DCBLD2: variants seen among roughly 807,000 people sequenced by gnomAD.
The protein encoded by DCBLD2 is discoidin, CUB and LCCL domain-containing protein 2.
DCBLD2 carries 54 observed loss-of-function variants against 86.8 expected under a neutral mutation model. The observed-to-expected ratio is 0.62, with a 90% CI of 0.50 to 0.78. The LOEUF (loss-of-function observed/expected upper bound fraction) is 0.78, where lower values mean the gene tolerates loss of function less well. Ranked by LOEUF, DCBLD2 falls within the 30% of genes least tolerant of loss-of-function variation. The pLI, the probability that DCBLD2 is intolerant of heterozygous loss-of-function variation, is 0.00. For missense variants in DCBLD2, 908 were observed against 954.2 expected, an observed-to-expected ratio of 0.95 and a Z score of 0.64; for synonymous variants, 354 against 341.3, an observed-to-expected ratio of 1.04 and a Z score of -0.41.
chr3:98,901,009 C>T, intron 1 of DCBLD2, 113 bp downstream of exon 1: 6 of 1,503,338 alleles, frequency 4.0e-6, no homozygotes, highest in Non-Finnish European at 5.3e-6. Flanking sequence ...GGTCCGGCCA[C>T]GCACGAAAGC....
intron 1 of DCBLD2, among the ~76,000 whole-genome samples, chr3:98,899,322 G>C (rs1485827782): frequency 6.9e-6 from 1 of 144,896 alleles, no homozygotes; most frequent in Non-Finnish European, 1.5e-5. Flanking sequence ...GCAGTGGCGC[G>C]ATCGCTGCAA....
chr3:98,811,545 G>A lies in DCBLD2; in HGVS notation c.1373C>T (p.Pro458Leu), dbSNP rs1479282536. 6.4e-7 allele frequency: 1 copy of A among 1,564,224 alleles called. No homozygotes were observed. The highest frequency in any genetic ancestry group is 2.3e-5 in the East Asian group (1 of 44,098). The change falls in exon 11 of 16, where the codon CCA becomes CTA. Residue 458 changes from proline (P) to leucine (L), a missense_variant. Physicochemically the swap from Pro to Leu is moderately conservative, Grantham distance 98. Around this residue, in one of 3 missense-constraint regions of DCBLD2, gnomAD observed 606 missense variants for 678.5 expected, o/e 0.89. Coordinates refer to ENST00000326840, the MANE Select transcript of DCBLD2 (RefSeq NM_080927.4). ...AGGAGGTGGAGGTTGAGTAAGTTTT[G>A]GAGGACGACCTTGAAAAATGGTTTA... ...GCQFIPKGRP[P>L]KLTQPPPPRN...
At chr3:98,889,897 T>C (rs1943628982) in intron 1 of DCBLD2, among the ~76,000 whole-genome samples, 1 of 152,014 alleles carries the variant, frequency 6.6e-6, no homozygotes, top group African/African-American at 2.4e-5. Flanking sequence ...TTTTACAAGC[T>C]TTAAAACACT....
In DCBLD2 at chr3:98,822,090, G is replaced by C. The variant is rs543289032; in HGVS notation, c.830+138C>G. 903 of 1,044,770 alleles carry C rather than the reference G, an allele frequency of 8.6e-4. 5 individuals carry two copies. In the African/African-American group the frequency reaches 0.012, roughly 14 times the overall value. The allele number at this position is 1,044,770 out of a possible 1,614,324, so 64.7% of individuals were successfully genotyped here. On this transcript the variant is annotated intron_variant, in intron 6 of 15. Coordinates refer to ENST00000326840, the MANE Select transcript of DCBLD2 (RefSeq NM_080927.4). ...AAACAGACACTGAGCACACTAATGT[G>C]AGTGCTTACTGCCTAAATGTTCTTT... is the stretch of plus-strand genomic sequence containing the variant.
intron 3 of DCBLD2, among the ~76,000 whole-genome samples, chr3:98,829,683 G>A (rs1942286832): frequency 6.6e-6 from 1 of 152,164 alleles, no homozygotes; most frequent in South Asian, 2.1e-4. Context: ...TGGACATTTA[G>A]GTTGACTCCA....
chr3:98,897,251 C>G (rs533247562), intron 1 of DCBLD2, among the ~76,000 whole-genome samples: 3 of 152,252 alleles, frequency 2.0e-5, no homozygotes, highest in Admixed American at 6.5e-5. Flanking sequence ...CTATAATTTA[C>G]CTGCAATCTT....
At chr3:98,871,013 A>G (rs1041381355) in intron 2 of DCBLD2, among the ~76,000 whole-genome samples, 1 of 143,624 alleles carries the variant, frequency 7.0e-6, no homozygotes, top group African/African-American at 2.6e-5. Flanking sequence ...TTGGTTAAGT[A>G]TATTCCTAGG....
chr3:98,836,575 T>C (rs1463012556), intron 3 of DCBLD2, among the ~76,000 whole-genome samples: 1 of 149,952 alleles, frequency 6.7e-6, no homozygotes, highest in South Asian at 2.1e-4. Flanking sequence ...AAGCCGCCAT[T>C]GTCATCCTGG....
intron 8 of DCBLD2, among the ~76,000 whole-genome samples, 154 bp from the exon 9 acceptor site, chr3:98,818,047 C>T (rs1177500739): frequency 6.6e-6 from 1 of 152,194 alleles, no homozygotes; most frequent in South Asian, 2.1e-4. Flanking sequence ...ATAACAATTA[C>T]TAAATCCTTG....
intron 2 of DCBLD2, among the ~76,000 whole-genome samples, chr3:98,861,012 A>G (rs1002215763): frequency 6.6e-6 from 1 of 152,246 alleles, no homozygotes; most frequent in Non-Finnish European, 1.5e-5. Flanking sequence ...TAGGCTCAAA[A>G]TAAGGAGATG....
intron 3 of DCBLD2, among the ~76,000 whole-genome samples, chr3:98,825,643 T>TATATATATATATATATATA (rs1942202476): frequency 7.0e-5 from 8 of 115,098 alleles, no homozygotes; most frequent in Non-Finnish European, 1.3e-4. Flanking sequence ...ATATGTGTAT[T>TATATATATATATATATATA]TATATATATA....
intron 2 of DCBLD2, among the ~76,000 whole-genome samples, chr3:98,853,747 T>C (rs1387033955): frequency 5.3e-5 from 8 of 152,232 alleles, no homozygotes; most frequent in Non-Finnish European, 8.8e-5. Context: ...ATTAATATTG[T>C]TACGAAACTT....
intron 3 of DCBLD2, among the ~76,000 whole-genome samples, chr3:98,845,036 AATT>A (rs1942693792): frequency 6.6e-6 from 1 of 152,174 alleles, no homozygotes; most frequent in Admixed American, 6.5e-5. Context: ...TTAGAGTAGA[AATT>A]ATTAGTCCTC....
In DCBLD2 at chr3:98,849,606, T is replaced by C. The variant is rs745731443; in HGVS notation, c.434-8A>G. 1.2e-6 allele frequency: 2 copies of C among 1,603,204 alleles called. No individual in the cohort carries two copies. The highest frequency in any genetic ancestry group is 2.2e-5 in the South Asian group (2 of 90,188). ...CCAGACCACAGTATTTGCCTAGGAA[T>C]GAAAGAAAAGCAGATTATTTGGGAT... On this transcript the variant is annotated splice_polypyrimidine_tract_variant and splice_region_variant and intron_variant, in intron 2 of 15. Transcript: ENST00000326840.
chr3:98,841,328 A>T (rs1276763441), intron 3 of DCBLD2, among the ~76,000 whole-genome samples: 1 of 152,240 alleles, frequency 6.6e-6, no homozygotes, highest in Non-Finnish European at 1.5e-5. Context: ...TTAGTTAGCT[A>T]TATTATCTGC....
intron 3 of DCBLD2, among the ~76,000 whole-genome samples, chr3:98,832,423 T>C (rs1282251760): frequency 6.6e-6 from 1 of 152,216 alleles, no homozygotes; most frequent in Non-Finnish European, 1.5e-5. Flanking sequence ...ATAGGGCATT[T>C]AGGCTATTTA....
At chr3:98,817,665 A>C in intron 9 of DCBLD2, 104 bp downstream of exon 9, 1 of 1,140,108 alleles carries the variant, frequency 8.8e-7, no homozygotes, top group Non-Finnish European at 1.2e-6. Context: ...GGGTAGTATA[A>C]GACATTCTAA....
intron 13 of DCBLD2, chr3:98,805,011 A>G (rs897488097): frequency 6.6e-6 from 1 of 152,266 alleles, no homozygotes; most frequent in Admixed American, 6.6e-5. Context: ...TTTGCGTGTC[A>G]TCCTTGCACA....
intron 1 of DCBLD2, among the ~76,000 whole-genome samples, chr3:98,886,807 C>CCG (rs1016570819): frequency 2.9e-5 from 4 of 138,688 alleles, no homozygotes; most frequent in Non-Finnish European, 4.7e-5. Context: ...AAAACCCCCC[C>CCG]CCTTTTTTTT....
Sources: gnomAD v4.1 joint callset for allele counts (sites outside exome capture counted in the v4.1 genomes callset) on GRCh38, gnomAD v4.1.1 for gene constraint, gnomAD v4.1.1 regional missense constraint, MANE v1.5 for transcripts, NCBI Gene and HGNC (gene_info 2026-07-23, HGNC 2026-07-21) for gene names.